CNTLN: variants seen among roughly 807,000 people sequenced by gnomAD.
CNTLN encodes the protein centlein, centrosomal protein.
In CNTLN, 212 loss-of-function variants were observed where a neutral mutation model predicts 180.0. That is an observed-to-expected ratio of 1.18 (90% confidence interval 1.05 to 1.32). The LOEUF (loss-of-function observed/expected upper bound fraction) is 1.32, where lower values mean the gene tolerates loss of function less well. Among genes scored for constraint, CNTLN ranks in the 40% most tolerant of loss-of-function variants. CNTLN has a pLI of 0.00. For missense variants in CNTLN, 2,095 were observed against 1,610.9 expected (o/e 1.30, Z -5.14); for synonymous variants, 722 against 563.1 (o/e 1.28, Z -3.99).
intron 8 of CNTLN, among the ~76,000 whole-genome samples, chr9:17,309,911 T>C (rs1018800337): frequency 2.6e-5 from 4 of 152,116 alleles, no homozygotes; most frequent in African/African-American, 9.6e-5. Flanking sequence ...CTTTAAATTT[T>C]ATAATGTATT....
chr9:17,295,132 C>T (rs1380481502), intron 6 of CNTLN, among the ~76,000 whole-genome samples: 5 of 151,442 alleles, frequency 3.3e-5, no homozygotes, highest in Admixed American at 1.3e-4. Flanking sequence ...TGAGTGCGGG[C>T]CGCCAAGCCC....
intron 5 of CNTLN, among the ~76,000 whole-genome samples, chr9:17,246,655 G>A (rs371470785): frequency 1.1e-3 from 173 of 152,326 alleles, no homozygotes; most frequent in African/African-American, 4.0e-3. Flanking sequence ...CCCTGGCCAT[G>A]TGTAGAGAAG....
chr9:17,355,123 G>A (rs1445622224), intron 12 of CNTLN, among the ~76,000 whole-genome samples: 8 of 152,136 alleles, frequency 5.3e-5, no homozygotes, highest in African/African-American at 1.9e-4. Context: ...CACCGCGAGG[G>A]TCCGCAGCTT....
At chr9:17,436,869 T>G (rs969520842) in intron 18 of CNTLN, among the ~76,000 whole-genome samples, 1 of 152,244 alleles carries the variant, frequency 6.6e-6, no homozygotes, top group African/African-American at 2.4e-5. Flanking sequence ...TTGTACCTTA[T>G]TGCTAATCTC....
intron 25 of CNTLN, among the ~76,000 whole-genome samples, chr9:17,487,725 C>T (rs1308077375): frequency 2.0e-5 from 3 of 152,092 alleles, no homozygotes; most frequent in African/African-American, 7.2e-5. Context: ...CCTGAGGGGT[C>T]TGTTGAGACT....
At chr9:17,461,802 G>T (rs1036290781) in intron 19 of CNTLN, among the ~76,000 whole-genome samples, 1 of 151,344 alleles carries the variant, frequency 6.6e-6, no homozygotes, top group Non-Finnish European at 1.5e-5. Context: ...GGATTAATGT[G>T]AGTATGTCAA....
chr9:17,256,131 A>T (rs1357890693), intron 5 of CNTLN, among the ~76,000 whole-genome samples: 7 of 151,852 alleles, frequency 4.6e-5, no homozygotes. Flanking sequence ...GTGTATATGT[A>T]TTATATTTTA....
chr9:17,504,330 G>A (rs892083857), downstream of CNTLN, among the ~76,000 whole-genome samples: 1 of 152,026 alleles, frequency 6.6e-6, no homozygotes, highest in Non-Finnish European at 1.5e-5. Context: ...GAAAGCACGA[G>A]TAATAAAAAA....
At chr9:17,269,939 T>C (rs1827810887) in intron 5 of CNTLN, among the ~76,000 whole-genome samples, 1 of 152,140 alleles carries the variant, frequency 6.6e-6, no homozygotes, top group Admixed American at 6.5e-5. Context: ...TATTTTATGT[T>C]TCTTGTTGGT....
At chr9:17,149,445 G>A (rs1204350421) in intron 2 of CNTLN, among the ~76,000 whole-genome samples, 1 of 150,216 alleles carries the variant, frequency 6.7e-6, no homozygotes, top group African/African-American at 2.4e-5. Flanking sequence ...CAGTGTAAAA[G>A]TGTTTCTATT....
At chr9:17,509,079 G>A in the CNTLN span, among the ~76,000 whole-genome samples, 1 of 152,192 alleles carries the variant, frequency 6.6e-6, no homozygotes, top group Non-Finnish European at 1.5e-5. Flanking sequence ...AACCACCCCT[G>A]TCTTTGCCCA....
chr9:17,435,709 C>G (rs1471505962), intron 18 of CNTLN, among the ~76,000 whole-genome samples: 1 of 152,092 alleles, frequency 6.6e-6, no homozygotes, highest in African/African-American at 2.4e-5. Context: ...ATTACAGGTG[C>G]ATGCCAACAC....
At chr9:17,221,395 T>G (rs1324211210) in intron 2 of CNTLN, among the ~76,000 whole-genome samples, 1 of 152,092 alleles carries the variant, frequency 6.6e-6, no homozygotes, top group East Asian at 1.9e-4. Context: ...TATATTTTAT[T>G]ATTAATATAA....
At chr9:17,327,280 T>G (rs1461587704) in intron 8 of CNTLN, among the ~76,000 whole-genome samples, 1 of 101,302 alleles carries the variant, frequency 9.9e-6, no homozygotes, top group Admixed American at 9.9e-5. Context: ...GGCGCAATCT[T>G]GGGTCGCTGC....
chr9:17,293,993 A>T (rs2132722148), intron 6 of CNTLN, among the ~76,000 whole-genome samples: 1 of 152,258 alleles, frequency 6.6e-6, no homozygotes, highest in South Asian at 2.1e-4. Flanking sequence ...GAATGAAGCC[A>T]CGGACCCTTG....
chr9:17,220,070 A>C (rs1297116374), intron 2 of CNTLN, among the ~76,000 whole-genome samples: 1 of 152,104 alleles, frequency 6.6e-6, no homozygotes, highest in East Asian at 1.9e-4. Flanking sequence ...TGTTAAACAC[A>C]GATTGCTGGG....
intron 12 of CNTLN, among the ~76,000 whole-genome samples, chr9:17,356,172 C>T (rs1218151175): frequency 6.6e-6 from 1 of 151,788 alleles, no homozygotes; most frequent in Non-Finnish European, 1.5e-5. Context: ...ATAGTTTAAT[C>T]AAGAGTTGTG....
intron 23 of CNTLN, among the ~76,000 whole-genome samples, chr9:17,471,497 A>G (rs1488660172): frequency 6.6e-6 from 1 of 152,118 alleles, no homozygotes; most frequent in Non-Finnish European, 1.5e-5. Flanking sequence ...TATTGGGATA[A>G]TTCCTAGCTC....
chr9:17,378,058 A>T (rs1824922098), intron 13 of CNTLN, among the ~76,000 whole-genome samples: 1 of 152,126 alleles, frequency 6.6e-6, no homozygotes, highest in Non-Finnish European at 1.5e-5. Context: ...TTTATGTTAG[A>T]TTATTTTTTG....
Sources: allele counts gnomAD v4.1 joint callset (sites outside exome capture counted in the v4.1 genomes callset), GRCh38; gene constraint gnomAD v4.1.1; transcripts MANE v1.5; gene names NCBI Gene and HGNC (gene_info 2026-07-23, HGNC 2026-07-21).